ARHGAP44: variants seen among roughly 807,000 people sequenced by gnomAD.
ARHGAP44 encodes the protein rho GTPase-activating protein 44.
Under a neutral mutation model 106.8 loss-of-function variants are expected in ARHGAP44, and 43 were observed. That is an observed-to-expected ratio of 0.40 (90% CI 0.32 to 0.52). The LOEUF (loss-of-function observed/expected upper bound fraction) is 0.52, where lower values mean the gene tolerates loss of function less well. Ranked by LOEUF, ARHGAP44 falls within the 20% of genes least tolerant of loss-of-function variation. ARHGAP44 has a pLI of 0.48. For synonymous variants in ARHGAP44, 439 were observed against 410.3 expected, an observed-to-expected ratio of 1.07 and a Z score of -0.85; for missense variants, 866 against 1,050.5, an observed-to-expected ratio of 0.82 and a Z score of 2.43.
intron 19 of ARHGAP44, among the ~76,000 whole-genome samples, chr17:12,981,718 G>A (rs1036861165): frequency 6.6e-6 from 1 of 151,088 alleles, no homozygotes; most frequent in Non-Finnish European, 1.5e-5. Context: ...TTGTTTTAGA[G>A]TCCTTTAACT....
intron 6 of ARHGAP44, among the ~76,000 whole-genome samples, chr17:12,921,014 G>A (rs984947571): frequency 6.6e-6 from 1 of 151,954 alleles, no homozygotes; most frequent in African/African-American, 2.4e-5. Context: ...GAACTATTTG[G>A]TTCTACCTTA....
Position 12,958,594 on chromosome 17 carries a change from C to T in ARHGAP44, c.1343-123C>T. 1.1e-6 allele frequency: 1 copy of T among 918,884 alleles called. No individual in the cohort carries two copies. The highest frequency in any genetic ancestry group is 1.7e-5 in the South Asian group (1 of 59,280). 56.9% of individuals were successfully genotyped at this position (918,884 alleles called of 1,614,324 possible). On this transcript the variant is annotated intron_variant, in intron 15 of 20. Transcript: ENST00000379672. The surrounding 1 kb of genome is among the most constrained non-coding windows in gnomAD (Gnocchi z 4.1). ...GATGCATTATATTAATAAGGTGAAC[C>T]ATGGGATGAAATTTTCTAGGGATGA...
chr17:12,946,893 G>T (rs1032182437), intron 10 of ARHGAP44, among the ~76,000 whole-genome samples: 1 of 152,000 alleles, frequency 6.6e-6, no homozygotes, highest in Non-Finnish European at 1.5e-5. Context: ...TTGAAGAGCA[G>T]TACCTTTGAC....
At chr17:12,981,431 C>T (rs1433173069) in intron 19 of ARHGAP44, among the ~76,000 whole-genome samples, 3 of 150,572 alleles carry the variant, frequency 2.0e-5, no homozygotes, top group Non-Finnish European at 4.4e-5. Context: ...AAGTCTTGCT[C>T]TTGTGCCCCA....
intron 3 of ARHGAP44, among the ~76,000 whole-genome samples, chr17:12,901,485 G>A (rs1202842250): frequency 6.6e-6 from 1 of 152,164 alleles, no homozygotes; most frequent in Non-Finnish European, 1.5e-5. Flanking sequence ...GTTACACAGA[G>A]ATGGGAACAA....
At chr17:12,935,302 G>T (rs187126841) in intron 7 of ARHGAP44, among the ~76,000 whole-genome samples, 1 of 152,128 alleles carries the variant, frequency 6.6e-6, no homozygotes, top group African/African-American at 2.4e-5. Context: ...GGCCGGGTGC[G>T]GTGGCTCACG....
chr17:12,973,672 C>T (rs976015658), intron 17 of ARHGAP44: 10 of 479,688 alleles, frequency 2.1e-5, no homozygotes, highest in Non-Finnish European at 3.7e-5. Context: ...CCCCTCCCAC[C>T]TCGTCTTGCA....
chr17:12,960,812 C>T (rs926217568), intron 16 of ARHGAP44, among the ~76,000 whole-genome samples: 1 of 152,062 alleles, frequency 6.6e-6, no homozygotes, highest in African/African-American at 2.4e-5. Context: ...GTTCCTCCCG[C>T]CTTGGCCTCC....
At chr17:12,974,852 A>ATT (rs34105454) in intron 18 of ARHGAP44, among the ~76,000 whole-genome samples, 245 of 144,930 alleles carry the variant, frequency 1.7e-3, no homozygotes, top group Admixed American at 2.5e-3. Flanking sequence ...GTGTCTCTCA[A>ATT]TTTTTTTTTT....
At chr17:12,871,794 C>T (rs976441157) in intron 1 of ARHGAP44, among the ~76,000 whole-genome samples, 2 of 152,152 alleles carry the variant, frequency 1.3e-5, no homozygotes, top group Non-Finnish European at 2.9e-5. Context: ...CCCCCCGTCT[C>T]TCTCTTATTC....
chr17:12,949,035 G>A lies in ARHGAP44; in HGVS notation c.862-105G>A. 6.3e-6 allele frequency: 7 copies of A among 1,111,740 alleles called. No individual in the cohort carries two copies. Among genetic ancestry groups the A allele is most frequent in the East Asian group, 2.6e-5 (1 of 38,472 alleles). The allele number at this position is 1,111,740 out of a possible 1,614,324, so 68.9% of individuals were successfully genotyped here. ...GATTGGGAGATGGTGTTGGGCAAAT[G>A]CATGTAAGAGGTTTTGGAGAAAAGA... On this transcript the variant is annotated intron_variant, in intron 10 of 20. Transcript: ENST00000379672. The surrounding 1 kb of genome is among the most constrained non-coding windows in gnomAD (Gnocchi z 4.1).
In ARHGAP44 at chr17:12,885,381, C is replaced by T. The variant is rs1177996827; in HGVS notation, c.54-9559C>T. 3.3e-5 allele frequency among the ~76,000 whole-genome samples: 5 copies of T among 149,900 alleles called. No individual in the cohort carries two copies. The East Asian group carries it at 9.8e-4, about 29-fold the overall frequency. On this transcript the variant is annotated intron_variant, in intron 1 of 20. Transcript: ENST00000379672. ...ATAAATGTTCTTTTCTCTAGAGTGG[C>T]TCTGCTGGGTCATATGGCAAGTGTA...
chr17:12,863,763 C>T lies in ARHGAP44; in HGVS notation c.54-31177C>T, dbSNP rs553048016. ...TTCTTATCTAATGCTCTCCAACATA[C>T]CACCTCCAAACTTGTGGCTTAAAAT... On this transcript the variant is annotated intron_variant, in intron 1 of 20. Coordinates refer to ENST00000379672, the MANE Select transcript of ARHGAP44 (RefSeq NM_014859.6). Among the ~76,000 whole-genome samples, 137 of 152,312 alleles carry T rather than the reference C, an allele frequency of 9.0e-4. 1 individual carries two copies. The South Asian group carries it at 0.014, about 16-fold the overall frequency.
In ARHGAP44 at chr17:12,990,211, CGG is replaced by C; in HGVS notation, c.*42_*43del. The stretch of plus-strand genomic sequence containing the variant: ...TCCTGCCTCGCGTGTACATACATCA[CGG>C]GCCCTAGGAACGCCGCCAGGAGCAG... On this transcript the variant is annotated 3_prime_UTR_variant, in exon 21 of 21. Coordinates refer to ENST00000379672, the MANE Select transcript of ARHGAP44 (RefSeq NM_014859.6). 1.3e-6 allele frequency: 2 copies of C among 1,583,306 alleles called. No homozygotes were observed. Among genetic ancestry groups the C allele is most frequent in the South Asian group, 2.2e-5 (2 of 89,804 alleles).
intron 1 of ARHGAP44, among the ~76,000 whole-genome samples, chr17:12,861,589 C>T (rs1014252510): frequency 4.0e-5 from 6 of 151,186 alleles, no homozygotes; most frequent in Non-Finnish European, 8.8e-5. Context: ...CCACATCGCT[C>T]TGATCCTTCT....
At chr17:12,883,390 G>GT (rs553434155) in intron 1 of ARHGAP44, among the ~76,000 whole-genome samples, 1 of 149,190 alleles carries the variant, frequency 6.7e-6, no homozygotes, top group African/African-American at 2.5e-5. Flanking sequence ...TTTTTTTATT[G>GT]TTTTTTCTTC....
intron 1 of ARHGAP44, among the ~76,000 whole-genome samples, chr17:12,876,102 A>T (rs916390817): frequency 6.6e-6 from 1 of 152,168 alleles, no homozygotes; most frequent in African/African-American, 2.4e-5. Context: ...CAACCAATCC[A>T]TACCCCCACT....
chr17:12,862,672 C>T (rs535016283), intron 1 of ARHGAP44, among the ~76,000 whole-genome samples: 32 of 152,188 alleles, frequency 2.1e-4, no homozygotes, highest in Non-Finnish European at 3.7e-4. Context: ...TATACTTGCA[C>T]GGGATGGCTG....
intron 1 of ARHGAP44, among the ~76,000 whole-genome samples, chr17:12,879,071 T>C (rs2036638638): frequency 6.6e-6 from 1 of 152,206 alleles, no homozygotes; most frequent in Non-Finnish European, 1.5e-5. Context: ...GAGATTTTGG[T>C]GCACCCATCA....
Sources: allele counts gnomAD v4.1 joint callset (sites outside exome capture counted in the v4.1 genomes callset), GRCh38; gene constraint gnomAD v4.1.1; non-coding constraint Gnocchi (gnomAD v3.1); transcripts MANE v1.5; gene names NCBI Gene and HGNC (gene_info 2026-07-23, HGNC 2026-07-21).